The following PRRC2C variants were observed in gnomAD, a reference collection of about 807,000 sequenced individuals.
The protein encoded by PRRC2C is protein PRRC2C.
Under a neutral mutation model 317.2 loss-of-function variants are expected in PRRC2C, and 72 were observed. That is an observed-to-expected ratio of 0.23 (90% CI 0.19 to 0.28). The LOEUF is 0.28. PRRC2C is among the 10% of genes least tolerant of loss of function. PRRC2C has a pLI of 1.00. For missense variants in PRRC2C, 3,074 were observed against 3,459.7 expected (o/e 0.89, Z 2.80); for synonymous variants, 1,296 against 1,205.9 (o/e 1.07, Z -1.55).
At position 171,541,273 on chromosome 1, in the gene PRRC2C, A is replaced by G; in HGVS notation, c.3807A>G (p.Thr1269=). The change falls in exon 16 of 35, where the codon ACA becomes ACG. Residue 1269 remains threonine (T), a synonymous_variant. Coordinates refer to ENST00000647382, the MANE Select transcript of PRRC2C (RefSeq NM_001387844.1). The surrounding 1 kb of genome is among the most constrained non-coding windows in gnomAD (Gnocchi z 4.1). ...GACAGCGGGGTTCAGAGACTGACAC[A>G]GACAGTGAAATTCATGAAAGTGCAA... ...RRRQRGSETD[T]DSEIHESASD... is the part of the protein sequence containing the mutation. 4 of 1,614,030 alleles carry G rather than the reference A, an allele frequency of 2.5e-6. No individual in the cohort carries two copies. The highest frequency in any genetic ancestry group is 3.4e-6 in the Non-Finnish European group (4 of 1,179,892).
At position 171,579,565 on chromosome 1, in the gene PRRC2C, A is replaced by G. The variant is rs143467702; in HGVS notation, c.7272+99A>G. On this transcript the variant is annotated intron_variant, in intron 27 of 34. Coordinates refer to ENST00000647382, the MANE Select transcript of PRRC2C (RefSeq NM_001387844.1). ...ATAAATAATAGACTCTGAAATTACA[A>G]GCTACCCACGATTAGCTTGATATTC... is the stretch of plus-strand genomic sequence containing the variant. 630 of 1,445,738 alleles carry G rather than the reference A, an allele frequency of 4.4e-4. 1 individual carries two copies. The African/African-American group carries it at 8.0e-3, about 18-fold the overall frequency. The allele number at this position is 1,445,738 out of a possible 1,614,324, so 89.6% of individuals were successfully genotyped here.
In PRRC2C at chr1:171,532,308, G is replaced by C. The variant is rs775410996; in HGVS notation, c.1255-35G>C. On this transcript the variant is annotated intron_variant, in intron 11 of 34. Coordinates refer to ENST00000647382, the MANE Select transcript of PRRC2C (RefSeq NM_001387844.1). ...ATACCCAGTGTTAGTCAGAAATAGAGTTGTCATAACTCATCTGATACCTTA... is the reference window on the plus strand; with the variant it reads ...ATACCCAGTGTTAGTCAGAAATAGACTTGTCATAACTCATCTGATACCTTA... 2.6e-6 allele frequency: 4 copies of C among 1,558,098 alleles called. No individual in the cohort carries two copies. In the East Asian group the frequency reaches 9.0e-5, roughly 35 times the overall value.
intron 1 of PRRC2C, among the ~76,000 whole-genome samples, chr1:171,500,030 GT>G (rs1382551418): frequency 1.4e-4 from 21 of 152,090 alleles, no homozygotes; most frequent in African/African-American, 4.8e-4. Flanking sequence ...GGAAATTGTT[GT>G]CGTTCATTTT....
chr1:171,499,051 C>A (rs920562778), intron 1 of PRRC2C, among the ~76,000 whole-genome samples: 2 of 152,208 alleles, frequency 1.3e-5, no homozygotes, highest in Non-Finnish European at 2.9e-5. Flanking sequence ...CTCAAGCATT[C>A]CTCCCTCCTT....
rs1441501180 is a variant in PRRC2C, at chr1:171,592,791, C to T, written c.*944C>T. ...ACTGTGCCACTAATTAAAGGAAATC[C>T]TAAGAAGGTGCATTTCTTTACAGAG... On this transcript the variant is annotated 3_prime_UTR_variant, in exon 35 of 35. Coordinates refer to ENST00000647382, the MANE Select transcript of PRRC2C (RefSeq NM_001387844.1). The T allele has an allele frequency of 4.0e-5, 6 of 151,874 alleles. No homozygotes were observed. The highest frequency in any genetic ancestry group is 1.5e-4 in the African/African-American group (6 of 41,320). The allele number at this position is 151,874 out of a possible 1,614,324, so 9.4% of individuals were successfully genotyped here.
chr1:171,532,730 GAGA>G lies in PRRC2C; in HGVS notation c.1645_1647del (p.Lys549del). On this transcript the variant is annotated inframe_deletion, in exon 12 of 35. Transcript: ENST00000647382. Reference sequence around the variant, plus strand: ...ACAGCAGGAAAAGGAGAAAGAGCTGGAGAAGGAGCAGGAAAAACAAAGAGAAAT... The same window carrying G: ...ACAGCAGGAAAAGGAGAAAGAGCTGGAGGAGCAGGAAAAACAAAGAGAAAT... 2 of 1,545,436 alleles carry G rather than the reference GAGA, an allele frequency of 1.3e-6. No individual in the cohort carries two copies. The highest frequency in any genetic ancestry group is 1.7e-6 in the Non-Finnish European group (2 of 1,145,806).
intron 24 of PRRC2C, among the ~76,000 whole-genome samples, chr1:171,571,730 T>C (rs1382371776): frequency 1.3e-5 from 2 of 152,190 alleles, no homozygotes; most frequent in African/African-American, 4.8e-5. Context: ...TTTGGATATA[T>C]GGGTTTGTAT....
chr1:171,574,264 A>G (rs1469271777), intron 24 of PRRC2C, among the ~76,000 whole-genome samples: 1 of 152,136 alleles, frequency 6.6e-6, no homozygotes, highest in East Asian at 1.9e-4. Flanking sequence ...ATCTATTTGT[A>G]TTTACTTTTT....
At position 171,496,357 on chromosome 1, in the gene PRRC2C, C is replaced by G. The variant is rs142784826; in HGVS notation, c.-58+10622C>G. ...AGCTGAGACTACAGGTGCACGCCACCACACCCAGCTAATTTTTGTATTTTT... is the reference window on the plus strand; with the variant it reads ...AGCTGAGACTACAGGTGCACGCCACGACACCCAGCTAATTTTTGTATTTTT... On this transcript the variant is annotated intron_variant, in intron 1 of 34. Coordinates refer to ENST00000647382, the MANE Select transcript of PRRC2C (RefSeq NM_001387844.1). Among the ~76,000 whole-genome samples the G allele has an allele frequency of 2.2e-3, 338 of 151,946 alleles. 1 individual carries two copies. Among genetic ancestry groups the G allele is most frequent in the African/African-American group, 7.9e-3 (327 of 41,420 alleles).
chr1:171,519,081 G>GTCTCTACTAAAT (rs1673059175), intron 6 of PRRC2C, among the ~76,000 whole-genome samples: 1 of 151,930 alleles, frequency 6.6e-6, no homozygotes, highest in African/African-American at 2.4e-5. Context: ...ACAGGATTTT[G>GTCTCTACTAAAT]CCATGTTGGC....
At chr1:171,566,492 A>G in intron 21 of PRRC2C, 71 bp downstream of exon 21, 1 of 1,485,062 alleles carries the variant, frequency 6.7e-7, no homozygotes, top group Non-Finnish European at 9.0e-7. Context: ...AATACTTTTA[A>G]AAGTGAACTT....
Position 171,579,551 on chromosome 1 carries a change from AC to A in PRRC2C, c.7272+86del, listed in dbSNP as rs1240481174. On this transcript the variant is annotated intron_variant, in intron 27 of 34. Transcript: ENST00000647382. ...AGTTATCTTGGAACATAAATAATAG[AC>A]TCTGAAATTACAAGCTACCCACGAT... 19 of 1,473,496 alleles carry A rather than the reference AC, an allele frequency of 1.3e-5. 1 individual carries two copies. The African/African-American group carries it at 2.0e-4, about 15-fold the overall frequency. The allele number at this position is 1,473,496 out of a possible 1,614,324, so 91.3% of individuals were successfully genotyped here.
chr1:171,506,044 G>C (rs919625034), intron 1 of PRRC2C, among the ~76,000 whole-genome samples: 1 of 152,136 alleles, frequency 6.6e-6, no homozygotes, highest in African/African-American at 2.4e-5. Flanking sequence ...ATCTACATTT[G>C]TAAGTACACA....
At chr1:171,537,867 C>T (rs140099514) in intron 15 of PRRC2C, among the ~76,000 whole-genome samples, 10 of 152,004 alleles carry the variant, frequency 6.6e-5, no homozygotes, top group Middle Eastern at 3.4e-3. Flanking sequence ...CACCACACCC[C>T]GCTAATCTTT....
chr1:171,576,209 G>A (rs187171361), intron 25 of PRRC2C, among the ~76,000 whole-genome samples: 87 of 152,324 alleles, frequency 5.7e-4, no homozygotes, highest in African/African-American at 8.2e-4. Flanking sequence ...GGATGGGGGG[G>A]TTAGTGAAGG....
chr1:171,543,581 C>T (rs1005589614), intron 16 of PRRC2C, among the ~76,000 whole-genome samples: 1 of 152,040 alleles, frequency 6.6e-6, no homozygotes, highest in African/African-American at 2.4e-5. Context: ...TTATGTGTGC[C>T]CTGCTTTTAG....
chr1:171,552,508 G>T (rs1680465378), intron 18 of PRRC2C, among the ~76,000 whole-genome samples: 1 of 152,152 alleles, frequency 6.6e-6, no homozygotes, highest in Non-Finnish European at 1.5e-5. Flanking sequence ...TGCTGAATAG[G>T]AGTGTTAAGA....
chr1:171,532,408 A>C lies in PRRC2C; in HGVS notation c.1320A>C (p.Val440=). 6.2e-7 allele frequency: 1 copy of C among 1,613,972 alleles called. No individual in the cohort carries two copies. Among genetic ancestry groups the C allele is most frequent in the Non-Finnish European group, 8.5e-7 (1 of 1,179,898 alleles). Residue 440 remains valine, a synonymous_variant, in exon 12 of 35, where the codon GTA becomes GTC. Coordinates refer to ENST00000647382, the MANE Select transcript of PRRC2C (RefSeq NM_001387844.1). ...RPGPFPSKQQ[V]ADEDEIWKQR... ...GCCCCTTTCCCTCCAAGCAGCAAGT[A>C]GCTGATGAAGATGAAATATGGAAGC...
chr1:171,585,823 C>G (rs975162705), intron 30 of PRRC2C, among the ~76,000 whole-genome samples: 1 of 151,802 alleles, frequency 6.6e-6, no homozygotes, highest in Non-Finnish European at 1.5e-5. Context: ...TGTCTCTTAC[C>G]GAAATGCTTG....
Sources: allele counts gnomAD v4.1 joint callset (sites outside exome capture counted in the v4.1 genomes callset), GRCh38; gene constraint gnomAD v4.1.1; non-coding constraint Gnocchi (gnomAD v3.1); transcripts MANE v1.5; gene names NCBI Gene and HGNC (gene_info 2026-07-23, HGNC 2026-07-21).